PRKG1: variants seen among roughly 807,000 people sequenced by gnomAD.
PRKG1 encodes protein kinase cGMP-dependent 1.
Under a neutral mutation model 88.1 loss-of-function variants are expected in PRKG1, and 35 were observed. The ratio of observed to expected loss-of-function variants is 0.40; its 90% CI spans 0.30 to 0.53. The LOEUF (loss-of-function observed/expected upper bound fraction) is 0.53, where lower values mean the gene tolerates loss of function less well. Ranked by LOEUF, PRKG1 falls within the 20% of genes least tolerant of loss-of-function variation. The pLI is 0.59. For missense variants in PRKG1, 540 were observed against 839.8 expected, an observed-to-expected ratio of 0.64 and a Z score of 4.41; for synonymous variants, 303 against 292.5, an observed-to-expected ratio of 1.04 and a Z score of -0.37.
chr10:51,920,993 A>G (rs1161548963), intron 5 of PRKG1, among the ~76,000 whole-genome samples: 2 of 152,060 alleles, frequency 1.3e-5, no homozygotes, highest in Non-Finnish European at 2.9e-5. Context: ...TAAAGTCCAT[A>G]ATTTACCATA....
intron 4 of PRKG1, among the ~76,000 whole-genome samples, chr10:51,896,162 A>G (rs755568702): frequency 1.6e-4 from 25 of 152,276 alleles, no homozygotes; most frequent in African/African-American, 5.3e-4. Flanking sequence ...GAAGAAAAGG[A>G]TATTTCCAGC....
At chr10:51,515,130 TA>T (rs1841539973) in intron 3 of PRKG1, among the ~76,000 whole-genome samples, 1 of 152,122 alleles carries the variant, frequency 6.6e-6, no homozygotes, top group Non-Finnish European at 1.5e-5. Flanking sequence ...ATAAGTAAAA[TA>T]AATAACTTTA....
At chr10:51,607,113 G>A (rs1838786784) in intron 3 of PRKG1, among the ~76,000 whole-genome samples, 1 of 152,190 alleles carries the variant, frequency 6.6e-6, no homozygotes, top group South Asian at 2.1e-4. Context: ...GGCATCCTAT[G>A]TGGTAAAAAT....
At chr10:51,727,429 AG>A (rs1444644004) in intron 3 of PRKG1, among the ~76,000 whole-genome samples, 1 of 152,138 alleles carries the variant, frequency 6.6e-6, no homozygotes, top group Non-Finnish European at 1.5e-5. Context: ...ATAAGTAGAA[AG>A]GGGTCAATGT....
chr10:51,540,611 C>G (rs1289261394), intron 3 of PRKG1, among the ~76,000 whole-genome samples: 1 of 152,112 alleles, frequency 6.6e-6, no homozygotes, highest in African/African-American at 2.4e-5. Context: ...AGGGAAATTT[C>G]ACATTTAGAA....
At chr10:51,891,168 G>A (rs1186545529) in intron 4 of PRKG1, among the ~76,000 whole-genome samples, 11 of 152,160 alleles carry the variant, frequency 7.2e-5, no homozygotes, top group Non-Finnish European at 2.9e-5. Context: ...GGAGGCTGAA[G>A]CAGGAAGATC....
intron 5 of PRKG1, among the ~76,000 whole-genome samples, chr10:51,949,627 G>A (rs999655554): frequency 6.6e-6 from 1 of 152,144 alleles, no homozygotes; most frequent in African/African-American, 2.4e-5. Context: ...AGGTATCAGA[G>A]ATAAGATTGG....
intron 3 of PRKG1, among the ~76,000 whole-genome samples, chr10:51,709,845 C>T (rs369441173): frequency 6.6e-6 from 1 of 152,056 alleles, no homozygotes; most frequent in Non-Finnish European, 1.5e-5. Flanking sequence ...AATGGGGAGG[C>T]AGAGATGAGG....
At chr10:52,285,658 T>C (rs1842102240) in intron 14 of PRKG1, among the ~76,000 whole-genome samples, 1 of 152,038 alleles carries the variant, frequency 6.6e-6, no homozygotes, top group African/African-American at 2.4e-5. Context: ...ATCAAGGAAA[T>C]ATAGGAGGAA....
Position 52,290,207 on chromosome 10 carries a change from G to A in PRKG1, c.1896-17G>A, listed in dbSNP as rs747055131. On this transcript the variant is annotated splice_polypyrimidine_tract_variant and intron_variant, in intron 16 of 17. Transcript: ENST00000373980. ...GCTGACACAAAATGTTTTTATCAACGTTTTTTCCTTTTCTAGATGGTTTGA... is the reference window on the plus strand; with the variant it reads ...GCTGACACAAAATGTTTTTATCAACATTTTTTCCTTTTCTAGATGGTTTGA... The A allele has an allele frequency of 4.3e-6, 7 of 1,609,708 alleles. No homozygotes were observed. The highest frequency in any genetic ancestry group is 1.1e-5 in the South Asian group (1 of 90,678).
At chr10:51,422,606 G>T (rs1838449473) in intron 2 of PRKG1, among the ~76,000 whole-genome samples, 2 of 152,170 alleles carry the variant, frequency 1.3e-5, no homozygotes, top group South Asian at 4.1e-4. Context: ...AAGTTCTAGT[G>T]ATTGTTTTCT....
chr10:51,427,519 T>G (rs1264276341), intron 2 of PRKG1, among the ~76,000 whole-genome samples: 1 of 152,186 alleles, frequency 6.6e-6, no homozygotes, highest in African/African-American at 2.4e-5. Context: ...TTTTAATACA[T>G]AGGTCACCAA....
intron 11 of PRKG1, 61 bp downstream of exon 11, chr10:52,271,550 C>G: frequency 6.4e-7 from 1 of 1,562,114 alleles, no homozygotes; most frequent in Non-Finnish European, 8.7e-7. Flanking sequence ...CACCACAAAA[C>G]CCTCTGCCAC....
At position 52,048,540 on chromosome 10, in the gene PRKG1, A is replaced by G. The variant is rs192135872; in HGVS notation, c.763-5944A>G. Reference sequence around the variant, plus strand: ...CACCATCAAGGCCTTCAACAACCACATCCAGTGTTGTAATAAGCCTCTGTC... The same window carrying G: ...CACCATCAAGGCCTTCAACAACCACGTCCAGTGTTGTAATAAGCCTCTGTC... On this transcript the variant is annotated intron_variant, in intron 5 of 17. Transcript: ENST00000373980. Among the ~76,000 whole-genome samples the G allele has an allele frequency of 2.6e-5, 4 of 152,280 alleles. No individual in the cohort carries two copies. The East Asian group carries it at 7.7e-4, about 29-fold the overall frequency.
chr10:51,731,805 CAG>C (rs1357688312), intron 3 of PRKG1, among the ~76,000 whole-genome samples: 4 of 152,146 alleles, frequency 2.6e-5, no homozygotes, highest in Non-Finnish European at 4.4e-5. Context: ...GTTTACAAAA[CAG>C]AAATTTATTT....
intron 1 of PRKG1, among the ~76,000 whole-genome samples, chr10:51,042,888 C>G (rs1324153352): frequency 1.3e-5 from 2 of 152,108 alleles, no homozygotes; most frequent in East Asian, 3.9e-4. Context: ...ATTCCCTTGT[C>G]CCTTCTGCCA....
intron 5 of PRKG1, among the ~76,000 whole-genome samples, chr10:51,950,383 A>T (rs7902101): frequency 0.24 from 37,131 of 152,252 alleles, 6,795 homozygotes; most frequent in African/African-American, 0.51. Flanking sequence ...TAAAATTACA[A>T]GTTTTCAATT....
intron 2 of PRKG1, among the ~76,000 whole-genome samples, chr10:51,304,393 T>C (rs974149712): frequency 6.6e-6 from 1 of 152,152 alleles, no homozygotes; most frequent in Non-Finnish European, 1.5e-5. Flanking sequence ...AAGTTGAATA[T>C]CAAAGGATGA....
intron 3 of PRKG1, among the ~76,000 whole-genome samples, chr10:51,782,579 A>T (rs1294572762): frequency 1.3e-5 from 2 of 152,112 alleles, no homozygotes; most frequent in Admixed American, 1.3e-4. Context: ...TCCCAACTCA[A>T]ATCTCATCTT....
Sources: allele counts gnomAD v4.1 joint callset (sites outside exome capture counted in the v4.1 genomes callset), GRCh38; gene constraint gnomAD v4.1.1; transcripts MANE v1.5; gene names NCBI Gene and HGNC (gene_info 2026-07-23, HGNC 2026-07-21).